Variants in SLC4A10 observed in about 807,000 individuals in gnomAD.
The protein encoded by SLC4A10 is solute carrier family 4 member 10.
SLC4A10 carries 42 observed loss-of-function variants against 137.7 expected under a neutral mutation model. The ratio of observed to expected loss-of-function variants is 0.30; its 90% CI spans 0.24 to 0.39. SLC4A10 has a LOEUF of 0.39. Ranked by LOEUF, SLC4A10 falls within the 10% of genes least tolerant of loss-of-function variation. SLC4A10 has a pLI of 1.00. For synonymous variants in SLC4A10, 474 were observed against 464.1 expected (o/e 1.02, Z -0.27); for missense variants, 925 against 1,355.0 (o/e 0.68, Z 4.98).
At chr2:161,899,082 C>A (rs2063820458) in intron 11 of SLC4A10, among the ~76,000 whole-genome samples, 1 of 152,016 alleles carries the variant, frequency 6.6e-6, no homozygotes, top group Non-Finnish European at 1.5e-5. Flanking sequence ...ACATACTCTG[C>A]CTTCCTGTTC....
At chr2:161,770,127 T>C (rs906946464) in intron 1 of SLC4A10, among the ~76,000 whole-genome samples, 3 of 151,936 alleles carry the variant, frequency 2.0e-5, no homozygotes, top group Admixed American at 1.3e-4. Flanking sequence ...TTTCACCTTT[T>C]GTGCTCAGTG....
At chr2:161,851,376 T>G (rs538393918) in intron 4 of SLC4A10, among the ~76,000 whole-genome samples, 1 of 152,300 alleles carries the variant, frequency 6.6e-6, no homozygotes, top group African/African-American at 2.4e-5. Context: ...AGAACTTGTT[T>G]TATGAATCTG....
At chr2:161,884,976 G>C (rs965227262) in intron 10 of SLC4A10, among the ~76,000 whole-genome samples, 1 of 152,068 alleles carries the variant, frequency 6.6e-6, no homozygotes, top group Non-Finnish European at 1.5e-5. Flanking sequence ...TCAGGAGTTC[G>C]AGATCAGCCT....
intron 2 of SLC4A10, among the ~76,000 whole-genome samples, chr2:161,800,190 T>C (rs2055221794): frequency 6.6e-6 from 1 of 152,090 alleles, no homozygotes; most frequent in Non-Finnish European, 1.5e-5. Flanking sequence ...TCCTTAACCA[T>C]GCAGAAGCAT....
At chr2:161,684,226 T>C (rs1044505583) in intron 1 of SLC4A10, among the ~76,000 whole-genome samples, 10 of 152,226 alleles carry the variant, frequency 6.6e-5, no homozygotes, top group African/African-American at 2.2e-4. Flanking sequence ...ATTTCATTTC[T>C]TTTTAAGGCT....
intron 1 of SLC4A10, among the ~76,000 whole-genome samples, chr2:161,674,384 G>A (rs1208776968): frequency 1.3e-5 from 2 of 152,082 alleles, no homozygotes; most frequent in African/African-American, 2.4e-5. Flanking sequence ...ATTTAATATG[G>A]CACCTAATAG....
intron 1 of SLC4A10, among the ~76,000 whole-genome samples, chr2:161,658,041 AC>A (rs1374982849): frequency 6.6e-6 from 1 of 152,186 alleles, no homozygotes; most frequent in East Asian, 1.9e-4. Context: ...GGTGCTCATG[AC>A]ACAATTTATC....
chr2:161,721,532 T>C (rs2045675465), intron 1 of SLC4A10, among the ~76,000 whole-genome samples: 1 of 152,232 alleles, frequency 6.6e-6, no homozygotes, highest in East Asian at 1.9e-4. Flanking sequence ...TGCTGGCTTA[T>C]AGGGTTTCCA....
intron 4 of SLC4A10, among the ~76,000 whole-genome samples, chr2:161,852,128 A>G (rs931778593): frequency 1.3e-5 from 2 of 152,174 alleles, no homozygotes; most frequent in African/African-American, 4.8e-5. Flanking sequence ...TTTTAGAATC[A>G]ATTGTATAAA....
intron 1 of SLC4A10, among the ~76,000 whole-genome samples, chr2:161,668,383 T>A (rs182613500): frequency 7.9e-5 from 12 of 151,772 alleles, no homozygotes; most frequent in African/African-American, 2.7e-4. Flanking sequence ...AATAATTAGG[T>A]TTACTCTGTT....
intron 3 of SLC4A10, among the ~76,000 whole-genome samples, chr2:161,812,832 A>G (rs1371320256): frequency 6.6e-6 from 1 of 151,938 alleles, no homozygotes; most frequent in African/African-American, 2.4e-5. Context: ...ACATGCACGT[A>G]TATGTCAGAT....
At chr2:161,976,229 A>G (rs926838523) in intron 24 of SLC4A10, among the ~76,000 whole-genome samples, 1 of 152,244 alleles carries the variant, frequency 6.6e-6, no homozygotes, top group East Asian at 1.9e-4. Context: ...ATATTGTACA[A>G]TAAACAAAAT....
chr2:161,951,562 A>G (rs890890094), intron 19 of SLC4A10, among the ~76,000 whole-genome samples: 5 of 152,180 alleles, frequency 3.3e-5, no homozygotes, highest in African/African-American at 1.2e-4. Flanking sequence ...GTTAAAAATA[A>G]TCTGCATCAA....
chr2:161,792,740 T>C (rs1020058578), intron 2 of SLC4A10, among the ~76,000 whole-genome samples: 1 of 152,176 alleles, frequency 6.6e-6, no homozygotes, highest in Non-Finnish European at 1.5e-5. Context: ...AATTAAGTGC[T>C]AATAGGGTAC....
intron 1 of SLC4A10, among the ~76,000 whole-genome samples, chr2:161,713,132 T>A (rs1044133321): frequency 6.6e-6 from 1 of 151,786 alleles, no homozygotes; most frequent in Admixed American, 6.6e-5. Flanking sequence ...AATAATAGAA[T>A]AGTTCATTTT....
At chr2:161,887,223 G>T (rs1424438705) in intron 10 of SLC4A10, among the ~76,000 whole-genome samples, 1 of 152,096 alleles carries the variant, frequency 6.6e-6, no homozygotes, top group Non-Finnish European at 1.5e-5. Context: ...CCAAGTCTTT[G>T]CTATTGTGAA....
chr2:161,831,837 T>G (rs2058453001), intron 3 of SLC4A10, among the ~76,000 whole-genome samples: 1 of 152,118 alleles, frequency 6.6e-6, no homozygotes, highest in African/African-American at 2.4e-5. Context: ...AATTCAAAGA[T>G]TTTTCTTTCT....
intron 15 of SLC4A10, among the ~76,000 whole-genome samples, chr2:161,923,735 T>A (rs1688552722): frequency 6.6e-6 from 1 of 151,790 alleles, no homozygotes; most frequent in Non-Finnish European, 1.5e-5. Context: ...AATGATGAGT[T>A]AATGGGTGCA....
chr2:161,799,482 G>A (rs2055153925), intron 2 of SLC4A10, among the ~76,000 whole-genome samples: 1 of 151,880 alleles, frequency 6.6e-6, no homozygotes, highest in African/African-American at 2.4e-5. Flanking sequence ...TTAGGCCAGT[G>A]TTATAATGTT....
Sources: gnomAD v4.1 joint callset for allele counts (sites outside exome capture counted in the v4.1 genomes callset) on GRCh38, gnomAD v4.1.1 for gene constraint, MANE v1.5 for transcripts, NCBI Gene and HGNC (gene_info 2026-07-23, HGNC 2026-07-21) for gene names.